Variants in CNTNAP1 observed in about 807,000 individuals in gnomAD.
CNTNAP1 encodes contactin associated protein 1.
A neutral mutation model predicts 161.5 loss-of-function variants in CNTNAP1; 80 were observed. The ratio of observed to expected loss-of-function variants is 0.50; its 90% CI spans 0.41 to 0.60. The LOEUF is 0.60. Among genes scored for constraint, CNTNAP1 ranks in the 20% least tolerant of loss-of-function variants. CNTNAP1 has a pLI of 0.00. For missense variants in CNTNAP1, 1,464 were observed against 1,854.8 expected, an observed-to-expected ratio of 0.79 and a Z score of 3.87; for synonymous variants, 695 against 733.1, an observed-to-expected ratio of 0.95 and a Z score of 0.84.
At position 42,685,063 on chromosome 17, in the gene CNTNAP1, A is replaced by T. The variant is rs2052987165; in HGVS notation, c.436A>T (p.Ile146Phe). Residue 146 changes from isoleucine (I) to phenylalanine (F), a missense_variant, in exon 4 of 24, where the codon ATC (isoleucine) becomes TTC (phenylalanine). By Grantham distance (21) the Ile-to-Phe change is conservative. Coordinates refer to ENST00000264638, the MANE Select transcript of CNTNAP1 (RefSeq NM_003632.3). This position sits in a 1 kb window ranked among gnomAD's most constrained non-coding sequence, Gnocchi z 5.0. ...DLHFHFTARY[I>F]RIVPLAWNPR... Reference sequence around the variant, plus strand: ...GCACTTCCACTTCACTGCGCGCTACATCCGCATCGTGCCCCTGGCCTGGAA... The same window carrying T: ...GCACTTCCACTTCACTGCGCGCTACTTCCGCATCGTGCCCCTGGCCTGGAA... 2 of 1,582,738 alleles carry T rather than the reference A, an allele frequency of 1.3e-6. No individual in the cohort carries two copies. Among genetic ancestry groups the T allele is most frequent in the Non-Finnish European group, 1.7e-6 (2 of 1,165,328 alleles).
In CNTNAP1 at chr17:42,682,704, G is replaced by A. The variant is rs1397743705; in HGVS notation, c.-126G>A. The stretch of plus-strand genomic sequence containing the variant: ...GGGGCGAAAGGAGAGAGGGAGGGAA[G>A]GGTGGGTAAGGAGGAGAGAGCGGTC... On this transcript the variant is annotated 5_prime_UTR_variant, in exon 1 of 24. Coordinates refer to ENST00000264638, the MANE Select transcript of CNTNAP1 (RefSeq NM_003632.3). The A allele has an allele frequency of 3.5e-6, 3 of 867,452 alleles. No homozygotes were observed. Among genetic ancestry groups the A allele is most frequent in the African/African-American group, 3.3e-5 (2 of 59,874 alleles). The allele number at this position is 867,452 out of a possible 1,614,324, so 53.7% of individuals were successfully genotyped here. A position where few individuals can be genotyped will look rare whatever the true frequency, so the allele number is the denominator to read the frequency against.
At position 42,690,212 on chromosome 17, in the gene CNTNAP1, G is replaced by A; in HGVS notation, c.1855+5G>A. 6.2e-7 allele frequency: 1 copy of A among 1,613,910 alleles called. No individual in the cohort carries two copies. Among genetic ancestry groups the A allele is most frequent in the South Asian group, 1.1e-5 (1 of 91,084 alleles). On this transcript the variant is annotated splice_donor_5th_base_variant and intron_variant, in intron 12 of 23. Transcript: ENST00000264638. ...TAGTGTACTGTGATATCCGAGGTAAGTGTCTCTGTTGGGTGGTGAGGGGGT... is the reference window on the plus strand; with the variant it reads ...TAGTGTACTGTGATATCCGAGGTAAATGTCTCTGTTGGGTGGTGAGGGGGT...
In CNTNAP1 at chr17:42,691,716, G is replaced by C; in HGVS notation, c.2345-90G>C. ...CCGTCACCTCAAACCCTCCCCCTTT[G>C]CCCAACCTTCCCTGCCCCCAACCCC... On this transcript the variant is annotated intron_variant, in intron 15 of 23. Coordinates refer to ENST00000264638, the MANE Select transcript of CNTNAP1 (RefSeq NM_003632.3). The surrounding 1 kb of genome is among the most constrained non-coding windows in gnomAD (Gnocchi z 4.3). The C allele has an allele frequency of 1.4e-6, 2 of 1,423,182 alleles. No individual in the cohort carries two copies. The highest frequency in any genetic ancestry group is 2.3e-5 in the East Asian group (1 of 43,544). The allele number at this position is 1,423,182 out of a possible 1,614,324, so 88.2% of individuals were successfully genotyped here.
At chr17:42,690,963 G>A in intron 13 of CNTNAP1, 21 bp downstream of exon 13, 2 of 1,613,372 alleles carry the variant, frequency 1.2e-6, no homozygotes, top group East Asian at 2.2e-5. Context: ...GGGTCAGGGA[G>A]GTGGCGGAAC....
rs145754857 is a variant in CNTNAP1, at chr17:42,687,756, C to T, written c.1081C>T (p.His361Tyr). The change falls in exon 8 of 24, where the codon CAC becomes TAC. Residue 361 changes from histidine (H) to tyrosine (Y), a missense_variant. Physicochemically the swap from His to Tyr is moderately conservative, Grantham distance 83 (BLOSUM62 2). Transcript: ENST00000264638. The surrounding 1 kb of genome is among the most constrained non-coding windows in gnomAD (Gnocchi z 4.7). Reference sequence around the variant, plus strand: ...TTTTCGTTGCCTGGACCCGGTACCGCACCCTATCAACTTCGGAGGCCCTCA... The same window carrying T: ...TTTTCGTTGCCTGGACCCGGTACCGTACCCTATCAACTTCGGAGGCCCTCA... ...VAFRCLDPVPHPINFGGPHNF... is the reference protein window; with the variant it reads ...VAFRCLDPVPYPINFGGPHNF... 2.1e-5 allele frequency: 34 copies of T among 1,614,112 alleles called. No homozygotes were observed. Among genetic ancestry groups the T allele is most frequent in the Middle Eastern group, 1.6e-4 (1 of 6,084 alleles).
At chr17:42,688,151 G>A (rs1445868123) in intron 8 of CNTNAP1, among the ~76,000 whole-genome samples, 170 bp downstream of exon 8, 1 of 152,212 alleles carries the variant, frequency 6.6e-6, no homozygotes, top group East Asian at 1.9e-4. Context: ...TAGAGGCAGT[G>A]AGGAGGCGAA....
intron 9 of CNTNAP1, 78 bp downstream of exon 9, chr17:42,688,689 A>C: frequency 4.4e-6 from 7 of 1,597,328 alleles, no homozygotes; most frequent in Non-Finnish European, 5.1e-6. Context: ...ATGGGGCCAC[A>C]TGGAGAATTT....
rs951693504 is a variant in CNTNAP1 at position 42,693,548 on chromosome 17, T to C, written c.2992+12T>C. ...ATACTGCAACCACGGTAAGTGCTGC[T>C]GGTTATGGGGCAACAGGGAGCCATA... On this transcript the variant is annotated intron_variant, in intron 18 of 23. Coordinates refer to ENST00000264638, the MANE Select transcript of CNTNAP1 (RefSeq NM_003632.3). 1.9e-6 allele frequency: 3 copies of C among 1,610,098 alleles called. No individual in the cohort carries two copies. The highest frequency in any genetic ancestry group is 2.5e-6 in the Non-Finnish European group (3 of 1,176,592).
rs771436895 is a variant in CNTNAP1 at position 42,691,758 on chromosome 17, C to T, written c.2345-48C>T. The T allele has an allele frequency of 2.5e-6, 4 of 1,594,168 alleles. No individual in the cohort carries two copies. Among genetic ancestry groups the T allele is most frequent in the African/African-American group, 1.3e-5 (1 of 74,634 alleles). On this transcript the variant is annotated intron_variant, in intron 15 of 23. Coordinates refer to ENST00000264638, the MANE Select transcript of CNTNAP1 (RefSeq NM_003632.3). The surrounding 1 kb of genome is among the most constrained non-coding windows in gnomAD (Gnocchi z 4.3). ...CCCAACCCCAGGTTCTCTTCCTCCT[C>T]CACCCTCCAATCTCCCTGACAAGAC...
At chr17:42,684,769 C>CA (rs1030831428) in intron 3 of CNTNAP1, among the ~76,000 whole-genome samples, 2 of 151,494 alleles carry the variant, frequency 1.3e-5, no homozygotes, top group South Asian at 2.1e-4. Flanking sequence ...ATGAAAAATA[C>CA]AAAAAAATCA....
At position 42,690,176 on chromosome 17, in the gene CNTNAP1, G is replaced by A. The variant is rs984011567; in HGVS notation, c.1824G>A (p.Leu608=). ...FTIDPDGSGP[L]KPFVVYCDIR... ...TTGATCCTGATGGCAGTGGCCCCCTGAAGCCATTTGTAGTGTACTGTGATA... is the reference window on the plus strand; with the variant it reads ...TTGATCCTGATGGCAGTGGCCCCCTAAAGCCATTTGTAGTGTACTGTGATA... Residue 608 remains leucine, a synonymous_variant, in exon 12 of 24, where the codon CTG becomes CTA. Coordinates refer to ENST00000264638, the MANE Select transcript of CNTNAP1 (RefSeq NM_003632.3). 6.2e-7 allele frequency: 1 copy of A among 1,614,094 alleles called. No homozygotes were observed. Among genetic ancestry groups the A allele is most frequent in the African/African-American group, 1.3e-5 (1 of 75,014 alleles).
chr17:42,684,850 G>C, intron 3 of CNTNAP1, 141 bp from the exon 4 acceptor site: 2 of 914,288 alleles, frequency 2.2e-6, no homozygotes, highest in Non-Finnish European at 3.2e-6. Context: ...GTTTGAACCC[G>C]GGAGGCAGAG....
Position 42,687,870 on chromosome 17 carries a change from C to A in CNTNAP1, c.1195C>A (p.Leu399Ile), listed in dbSNP as rs2053037407. The A allele has an allele frequency of 6.2e-7, 1 of 1,614,136 alleles. No individual in the cohort carries two copies. Among genetic ancestry groups the A allele is most frequent in the Non-Finnish European group, 8.5e-7 (1 of 1,180,068 alleles). Residue 399 changes from leucine to isoleucine, a missense_variant, in exon 8 of 24, where the codon CTT (leucine) becomes ATT (isoleucine). Leu to Ile is a conservative substitution (Grantham distance 5). This residue lies in a region of CNTNAP1 where 1,383 missense variants were observed against 1,765.0 expected (regional missense o/e 0.78). Transcript: ENST00000264638. The surrounding 1 kb of genome is among the most constrained non-coding windows in gnomAD (Gnocchi z 4.7). Reference protein sequence around the residue: ...FRTWDLTGLLLFSRLGDGLGH... With the variant: ...FRTWDLTGLLIFSRLGDGLGH... ...CACCTGGGACCTCACCGGGCTTCTCCTTTTCTCCCGTCTGGGGGACGGGCT... is the reference window on the plus strand; with the variant it reads ...CACCTGGGACCTCACCGGGCTTCTCATTTTCTCCCGTCTGGGGGACGGGCT...
Position 42,693,375 on chromosome 17 carries a change from A to T in CNTNAP1, c.2831A>T (p.Glu944Val). 6.2e-7 allele frequency: 1 copy of T among 1,614,212 alleles called. No homozygotes were observed. The highest frequency in any genetic ancestry group is 8.5e-7 in the Non-Finnish European group (1 of 1,180,036). The change falls in exon 18 of 24, where the codon GAG (glutamate) becomes GTG (valine). Residue 944 changes from glutamate to valine, a missense_variant. Physicochemically the swap from Glu to Val is moderately radical, Grantham distance 121. Around this residue, in one of 3 missense-constraint regions of CNTNAP1, gnomAD observed 1,383 missense variants for 1,765.0 expected, o/e 0.78. Transcript: ENST00000264638. ...MRLNGVTLNL[E>V]GRANASEGTS... is the part of the protein sequence containing the mutation. ...CTGAACGGAGTGACTCTGAACCTGG[A>T]GGGCCGTGCCAATGCCTCTGAGGGT... is the stretch of plus-strand genomic sequence containing the variant.
In CNTNAP1 at chr17:42,699,278, T is replaced by G; in HGVS notation, c.*368T>G. ...TAACTGCCTCCCTTCCAATAGACAC[T>G]ATCAGCAGGGACAGATGTGTGGGAG... On this transcript the variant is annotated 3_prime_UTR_variant, in exon 24 of 24. Transcript: ENST00000264638. 3 of 174,788 alleles carry G rather than the reference T, an allele frequency of 1.7e-5. No homozygotes were observed. Among genetic ancestry groups the G allele is most frequent in the Non-Finnish European group, 3.6e-5 (3 of 83,106 alleles). The allele number at this position is 174,788 out of a possible 1,614,324, so 10.8% of individuals were successfully genotyped here. A position where few individuals can be genotyped will look rare whatever the true frequency, so the allele number is the denominator to read the frequency against.
At chr17:42,688,005 CAAGAAGAG>C (rs1379638159) in intron 8 of CNTNAP1, 24 bp downstream of exon 8, 23 of 1,606,830 alleles carry the variant, frequency 1.4e-5, no homozygotes, top group Non-Finnish European at 2.0e-5. Context: ...GGGGGAGGCA[CAAGAAGAG>C]AAGAGAAGTG....
In CNTNAP1 at chr17:42,688,604, C is replaced by G. The variant is rs1281313776; in HGVS notation, c.1449C>G (p.Phe483Leu). ...PLLIRTGTSY[F>L]FGGCPKPASR... ...TGATCCGGACAGGGACCTCATATTT[C>G]TTTGGGGGTAAGTGGGGGCCAACCT... The change falls in exon 9 of 24, where the codon TTC (phenylalanine) becomes TTG (leucine). Residue 483 changes from phenylalanine (F) to leucine (L), a missense_variant. Around this residue, in one of 3 missense-constraint regions of CNTNAP1, gnomAD observed 1,383 missense variants for 1,765.0 expected, o/e 0.78. Transcript: ENST00000264638. The G allele has an allele frequency of 6.2e-7, 1 of 1,614,150 alleles. No individual in the cohort carries two copies. Among genetic ancestry groups the G allele is most frequent in the Admixed American group, 1.7e-5 (1 of 60,024 alleles).
chr17:42,695,344 T>A (rs1039116298), intron 18 of CNTNAP1, among the ~76,000 whole-genome samples, 177 bp from the exon 19 acceptor site: 2 of 152,174 alleles, frequency 1.3e-5, no homozygotes, highest in Admixed American at 6.5e-5. Context: ...CAGTTTCCCA[T>A]GGCTGTAAGA....
Position 42,690,918 on chromosome 17 carries a change from A to C in CNTNAP1, c.2035A>C (p.Asn679His), listed in dbSNP as rs759001465. ...ACAGTGGATCGAGTTCTCCTGCTAC[A>C]ATTCCCGGCTGCTCAACACTGCAGG... ...CEQWIEFSCY[N>H]SRLLNTAGGY... is the part of the protein sequence containing the mutation. Residue 679 changes from asparagine to histidine, a missense_variant, in exon 13 of 24, where the codon AAT becomes CAT. Transcript: ENST00000264638. The C allele has an allele frequency of 3.1e-6, 5 of 1,614,028 alleles. No individual in the cohort carries two copies. In the African/African-American group the frequency reaches 4.0e-5, roughly 13 times the overall value.
Sources: gnomAD v4.1 joint callset for allele counts (sites outside exome capture counted in the v4.1 genomes callset) on GRCh38, gnomAD v4.1.1 for gene constraint, gnomAD v4.1.1 regional missense constraint, Gnocchi (gnomAD v3.1) non-coding constraint, MANE v1.5 for transcripts, NCBI Gene and HGNC (gene_info 2026-07-23, HGNC 2026-07-21) for gene names.